Variants in CDH12 observed in about 807,000 individuals in gnomAD.
CDH12 encodes cadherin-12.
Under a neutral mutation model 74.1 loss-of-function variants are expected in CDH12, and 41 were observed. The ratio of observed to expected loss-of-function variants is 0.55; its 90% CI spans 0.43 to 0.72. The LOEUF (loss-of-function observed/expected upper bound fraction) is 0.72, where lower values mean the gene tolerates loss of function less well. CDH12 is among the 30% of genes least tolerant of loss of function. The pLI is 0.00. For synonymous variants in CDH12, 399 were observed against 355.0 expected (o/e 1.12, Z -1.39); for missense variants, 945 against 977.2 (o/e 0.97, Z 0.44).
At chr5:22,017,144 C>G (rs989870295) in intron 5 of CDH12, among the ~76,000 whole-genome samples, 1 of 151,918 alleles carries the variant, frequency 6.6e-6, no homozygotes, top group East Asian at 1.9e-4. Context: ...TTTTTTTTCT[C>G]TCCCTCTCAC....
In CDH12 at chr5:22,291,028, G is replaced by A. The variant is rs775385926; in HGVS notation, c.-332-78385C>T. On this transcript the variant is annotated intron_variant, in intron 3 of 14. Transcript: ENST00000382254. Reference sequence around the variant, plus strand: ...TTTACAAATAATTTATGATGATCACGTGGGATTTATTCCAGGGATGCGAGG... The same window carrying A: ...TTTACAAATAATTTATGATGATCACATGGGATTTATTCCAGGGATGCGAGG... Among the ~76,000 whole-genome samples, 14 of 152,190 alleles carry A rather than the reference G, an allele frequency of 9.2e-5. No individual in the cohort carries two copies. In the East Asian group the frequency reaches 2.5e-3, roughly 27 times the overall value.
At chr5:21,848,865 C>T (rs2149994635) in intron 7 of CDH12, among the ~76,000 whole-genome samples, 1 of 151,938 alleles carries the variant, frequency 6.6e-6, no homozygotes, top group African/African-American at 2.4e-5. Context: ...ATATAATCTT[C>T]TGAAGACCTG....
At chr5:21,948,610 T>C (rs1256796210) in intron 6 of CDH12, among the ~76,000 whole-genome samples, 1 of 152,048 alleles carries the variant, frequency 6.6e-6, no homozygotes, top group East Asian at 1.9e-4. Flanking sequence ...CTGTGGGCTG[T>C]TGAGTTACTG....
chr5:21,855,474 T>G (rs1750705725), intron 6 of CDH12, among the ~76,000 whole-genome samples: 2 of 151,626 alleles, frequency 1.3e-5, no homozygotes, highest in South Asian at 4.1e-4. Context: ...CTTTGTATTT[T>G]CCTTATCTGT....
chr5:22,316,637 A>T (rs1738645005), intron 3 of CDH12, among the ~76,000 whole-genome samples: 1 of 152,132 alleles, frequency 6.6e-6, no homozygotes, highest in Non-Finnish European at 1.5e-5. Flanking sequence ...TGAGATTCCA[A>T]AATTGTATCT....
chr5:22,744,826 C>T (rs1036694915), intron 1 of CDH12, among the ~76,000 whole-genome samples: 14 of 151,930 alleles, frequency 9.2e-5, no homozygotes, highest in Non-Finnish European at 1.3e-4. Context: ...TGATAGAGTG[C>T]CCTTACCAGT....
intron 1 of CDH12, among the ~76,000 whole-genome samples, chr5:22,825,267 C>T (rs1402526040): frequency 6.6e-6 from 1 of 151,270 alleles, no homozygotes; most frequent in Non-Finnish European, 1.5e-5. Flanking sequence ...CATATATATA[C>T]TTACACATAT....
chr5:22,705,724 T>C (rs958591826), intron 1 of CDH12, among the ~76,000 whole-genome samples: 6 of 152,108 alleles, frequency 3.9e-5, no homozygotes, highest in Non-Finnish European at 7.4e-5. Context: ...TTTTTTTTCC[T>C]TTTAATATAC....
intron 3 of CDH12, among the ~76,000 whole-genome samples, chr5:22,318,110 A>G (rs771861258): frequency 1.2e-4 from 18 of 152,202 alleles, no homozygotes; most frequent in Non-Finnish European, 2.2e-4. Flanking sequence ...TATTTTGAAA[A>G]CAATCAGTAG....
intron 1 of CDH12, among the ~76,000 whole-genome samples, chr5:22,700,483 C>G (rs767943392): frequency 1.3e-5 from 2 of 152,182 alleles, no homozygotes; most frequent in Non-Finnish European, 2.9e-5. Flanking sequence ...AATGATCACT[C>G]CAAACCTTGT....
At chr5:22,138,127 T>C (rs1367081549) in intron 4 of CDH12, among the ~76,000 whole-genome samples, 10 of 152,064 alleles carry the variant, frequency 6.6e-5, no homozygotes, top group Non-Finnish European at 1.3e-4. Context: ...TTTTATTTGT[T>C]ATTTAAATTC....
Position 22,532,358 on chromosome 5 carries a change from T to TAAC in CDH12, c.-522-26995_-522-26994insGTT, listed in dbSNP as rs1737625692. On this transcript the variant is annotated intron_variant, in intron 1 of 14. Coordinates refer to ENST00000382254, the MANE Select transcript of CDH12 (RefSeq NM_004061.5). The stretch of plus-strand genomic sequence containing the variant: ...ATAAATTATATAAATAGGATATATA[T>TAAC]ATATATATATATATATATATGTATG... Among the ~76,000 whole-genome samples, 10 of 61,422 alleles carry TAAC rather than the reference T, an allele frequency of 1.6e-4. 2 individuals are homozygous for TAAC. 40.3% of individuals were successfully genotyped at this position (61,422 alleles called of 152,430 possible).
At chr5:21,977,346 A>G (rs1757112242) in intron 5 of CDH12, among the ~76,000 whole-genome samples, 1 of 152,098 alleles carries the variant, frequency 6.6e-6, no homozygotes, top group African/African-American at 2.4e-5. Context: ...GAACTTATGA[A>G]TTTCAAATTA....
intron 4 of CDH12, among the ~76,000 whole-genome samples, chr5:22,209,129 C>T (rs1464103231): frequency 1.3e-5 from 2 of 152,142 alleles, no homozygotes; most frequent in Non-Finnish European, 2.9e-5. Context: ...AACCTAACTT[C>T]TAGTTACCAT....
chr5:22,654,735 A>T (rs1213853881), intron 1 of CDH12, among the ~76,000 whole-genome samples: 1 of 151,790 alleles, frequency 6.6e-6, no homozygotes, highest in Non-Finnish European at 1.5e-5. Context: ...TCCGGGTTCA[A>T]GCGGTTCTCT....
intron 9 of CDH12, among the ~76,000 whole-genome samples, chr5:21,811,686 C>T (rs1183716623): frequency 6.9e-6 from 1 of 145,744 alleles, no homozygotes; most frequent in Non-Finnish European, 1.5e-5. Flanking sequence ...ATTGCTATAA[C>T]ACCCAACACC....
At chr5:21,925,528 T>C (rs1347868360) in intron 6 of CDH12, among the ~76,000 whole-genome samples, 3 of 152,212 alleles carry the variant, frequency 2.0e-5, no homozygotes, top group Non-Finnish European at 4.4e-5. Context: ...TAAAAGATGT[T>C]ACATTTTCAT....
At chr5:22,287,450 C>T (rs1398201618) in intron 3 of CDH12, among the ~76,000 whole-genome samples, 11 of 151,970 alleles carry the variant, frequency 7.2e-5, no homozygotes, top group South Asian at 2.1e-4. Flanking sequence ...ACAGGCTGGG[C>T]GCGGTGGCTC....
At chr5:22,499,508 A>G (rs1209512984) in intron 2 of CDH12, among the ~76,000 whole-genome samples, 1 of 152,154 alleles carries the variant, frequency 6.6e-6, no homozygotes, top group Non-Finnish European at 1.5e-5. Context: ...AACGAAGTGC[A>G]ATGCTATACA....
Sources: allele counts gnomAD v4.1 joint callset (sites outside exome capture counted in the v4.1 genomes callset), GRCh38; gene constraint gnomAD v4.1.1; transcripts MANE v1.5; gene names NCBI Gene and HGNC (gene_info 2026-07-23, HGNC 2026-07-21).